Variants in POLR1G observed in about 807,000 individuals in gnomAD.
POLR1G encodes DNA-directed RNA polymerase I subunit RPA34.
In POLR1G, 9 loss-of-function variants were observed where a neutral mutation model predicts 6.3. The ratio of observed to expected loss-of-function variants is 1.44; its 90% CI spans 0.87 to 2.51. The LOEUF (loss-of-function observed/expected upper bound fraction) is 2.51. Among genes scored for constraint, POLR1G ranks in the 30% most tolerant of loss-of-function variants. The pLI is 0.00. For missense variants in POLR1G, 617 were observed against 632.5 expected, an observed-to-expected ratio of 0.98 and a Z score of 0.26; for synonymous variants, 248 against 256.5, an observed-to-expected ratio of 0.97 and a Z score of 0.32.
Position 45,408,575 on chromosome 19 carries a change from T to G in POLR1G, c.607T>G (p.Leu203Val). Residue 203 changes from leucine (L) to valine (V), a missense_variant, in exon 3 of 3, where the codon TTG becomes GTG. By Grantham distance (32) the Leu-to-Val change is conservative (BLOSUM62 1). Coordinates refer to ENST00000309424, the MANE Select transcript of POLR1G (RefSeq NM_012099.3). ...GHGALEVDMA[L>V]GSPEMDVRKK... is the part of the protein sequence containing the mutation. ...CGGGGCCCTGGAGGTGGACATGGCT[T>G]TGGGGTCGCCAGAAATGGATGTGCG... 5 of 1,612,730 alleles carry G rather than the reference T, an allele frequency of 3.1e-6. No homozygotes were observed. Among genetic ancestry groups the G allele is most frequent in the Non-Finnish European group, 4.2e-6 (5 of 1,179,698 alleles).
chr19:45,409,899 T>TATTATTA lies in POLR1G; in HGVS notation c.*398_*399insATTATTA, dbSNP rs201059197. The TATTATTA allele has an allele frequency of 2.4e-4, 62 of 259,392 alleles. No homozygotes were observed. The East Asian group carries it at 2.6e-3, about 11-fold the overall frequency. The allele number at this position is 259,392 out of a possible 1,614,324, so 16.1% of individuals were successfully genotyped here. Reference sequence around the variant, plus strand: ...TAAGTTATTATTATTATTATTATTTTTTTTTTTTTTGAGATGGAGTCTCGC... The same window carrying TATTATTA: ...TAAGTTATTATTATTATTATTATTTTATTATTATTTTTTTTTTGAGATGGAGTCTCGC... On this transcript the variant is annotated 3_prime_UTR_variant, in exon 3 of 3. Transcript: ENST00000309424.
rs1182433014 is a variant in POLR1G at position 45,407,985 on chromosome 19, T to C, written c.165-148T>C. 6.9e-6 allele frequency: 7 copies of C among 1,020,342 alleles called. No individual in the cohort carries two copies. In the Admixed American group the frequency reaches 1.3e-4, roughly 19 times the overall value. 63.2% of individuals were successfully genotyped at this position (1,020,342 alleles called of 1,614,324 possible). A position where few individuals can be genotyped will look rare whatever the true frequency, so the allele number is the denominator to read the frequency against. On this transcript the variant is annotated intron_variant, in intron 2 of 2. Transcript: ENST00000309424. ...AGGAGAATCGCTTGAACCCAGGAGG[T>C]GGACATTGCAGTGAGCCGAGATCAT... is the stretch of plus-strand genomic sequence containing the variant.
At position 45,407,163 on chromosome 19, in the gene POLR1G, C is replaced by T. The variant is rs748478038; in HGVS notation, c.92C>T (p.Ser31Phe). The T allele has an allele frequency of 1.2e-6, 2 of 1,612,866 alleles. No homozygotes were observed. The highest frequency in any genetic ancestry group is 1.7e-6 in the Non-Finnish European group (2 of 1,179,702). ...CCAGCCTCAGAGTCCCCTCGTTTCT[C>T]CTTGGAGGCGCTGACGGGTCCAGAT... Reference protein sequence around the residue: ...KPPASESPRFSLEALTGPDTE... With the variant: ...KPPASESPRFFLEALTGPDTE... The change falls in exon 2 of 3, where the codon TCC becomes TTC. Residue 31 changes from serine to phenylalanine, a missense_variant. Ser to Phe is a radical substitution (Grantham distance 155). Transcript: ENST00000309424.
In POLR1G at chr19:45,409,390, G is replaced by C; in HGVS notation, c.1422G>C (p.Glu474Asp). The change falls in exon 3 of 3, where the codon GAG (glutamate) becomes GAC (aspartate). Residue 474 changes from glutamate to aspartate, a missense_variant. Physicochemically the swap from Glu to Asp is conservative, Grantham distance 45. Transcript: ENST00000309424. ...KKQSQESRMP[E>D]TVPQEEMPGP... ...AGAGTCAGGAAAGCCGGATGCCAGA[G>C]ACAGTGCCCCAAGAGGAGATGCCAG... 1 of 1,614,056 alleles carries C rather than the reference G, an allele frequency of 6.2e-7. No homozygotes were observed. Among genetic ancestry groups the C allele is most frequent in the Non-Finnish European group, 8.5e-7 (1 of 1,180,024 alleles).
chr19:45,409,725 C>T lies in POLR1G; in HGVS notation c.*224C>T, dbSNP rs754664927. On this transcript the variant is annotated 3_prime_UTR_variant, in exon 3 of 3. Coordinates refer to ENST00000309424, the MANE Select transcript of POLR1G (RefSeq NM_012099.3). ...TGCAGGACATCAAACAGCCTCCGGG[C>T]CTGGATGGGAGGGAGAAAAAAATGA... The T allele has an allele frequency of 7.2e-6, 6 of 830,442 alleles. No individual in the cohort carries two copies. Among genetic ancestry groups the T allele is most frequent in the Non-Finnish European group, 1.3e-5 (6 of 465,378 alleles). The allele number at this position is 830,442 out of a possible 1,614,324, so 51.4% of individuals were successfully genotyped here. A position where few individuals can be genotyped will look rare whatever the true frequency, so the allele number is the denominator to read the frequency against.
chr19:45,408,979 G>A lies in POLR1G; in HGVS notation c.1011G>A (p.Met337Ile), dbSNP rs756925223. 8 of 1,614,088 alleles carry A rather than the reference G, an allele frequency of 5.0e-6. No individual in the cohort carries two copies. Among genetic ancestry groups the A allele is most frequent in the Non-Finnish European group, 5.9e-6 (7 of 1,180,022 alleles). The change falls in exon 3 of 3, where the codon ATG (methionine) becomes ATA (isoleucine). Residue 337 changes from methionine (M) to isoleucine (I), a missense_variant. Met to Ile is a conservative substitution (Grantham distance 10). Transcript: ENST00000309424. ...TKKRKKEKGQ[M>I]AMMEPGTEAM... ...AGAGGAAAAAAGAAAAGGGACAGAT[G>A]GCAATGATGGAGCCAGGGACGGAGG...
At chr19:45,407,714 G>A in intron 2 of POLR1G, 1 of 247,120 alleles carries the variant, frequency 4.0e-6, no homozygotes, top group Non-Finnish European at 7.8e-6. Flanking sequence ...CCTTGTAAGT[G>A]CCTAGCTACT....
chr19:45,408,943 C>A lies in POLR1G; in HGVS notation c.975C>A (p.Pro325=), dbSNP rs773206067. Reference sequence around the variant, plus strand: ...CACTGGAGGAAGCCATCCCTCTGCCCCCTACGAAGAAGAGGAAAAAAGAAA... The same window carrying A: ...CACTGGAGGAAGCCATCCCTCTGCCACCTACGAAGAAGAGGAAAAAAGAAA... ...VEPLEEAIPL[P]PTKKRKKEKG... Residue 325 remains proline, a synonymous_variant, in exon 3 of 3, where the codon CCC becomes CCA. Transcript: ENST00000309424. 1 of 1,613,982 alleles carries A rather than the reference C, an allele frequency of 6.2e-7. No individual in the cohort carries two copies. The highest frequency in any genetic ancestry group is 1.1e-5 in the South Asian group (1 of 91,068).
rs183371964 is a variant in POLR1G, at chr19:45,407,373, A to T, written c.164+138A>T. 173 of 769,460 alleles carry T rather than the reference A, an allele frequency of 2.2e-4. No homozygotes were observed. The African/African-American group carries it at 2.6e-3, about 11-fold the overall frequency. 47.7% of individuals were successfully genotyped at this position (769,460 alleles called of 1,614,324 possible). On this transcript the variant is annotated intron_variant, in intron 2 of 2. Transcript: ENST00000309424. ...CAAGTTTATTGGAAACTACTCCTTT[A>T]CAGAGTAGAGTGTCCTCAGAAAGCA...
In POLR1G at chr19:45,406,917, A is replaced by G. The variant is rs1192513744; in HGVS notation, c.23-177A>G. 3 of 1,007,288 alleles carry G rather than the reference A, an allele frequency of 3.0e-6. No homozygotes were observed. The Admixed American group carries it at 9.0e-5, about 30-fold the overall frequency. The allele number at this position is 1,007,288 out of a possible 1,614,324, so 62.4% of individuals were successfully genotyped here. ...TACCCGTGGAGAGCAAGGCGCCCCC[A>G]GGGGTTGGATCGGTGAAATTGAGGT... On this transcript the variant is annotated intron_variant, in intron 1 of 2. Coordinates refer to ENST00000309424, the MANE Select transcript of POLR1G (RefSeq NM_012099.3). The surrounding 1 kb of genome is among the most constrained non-coding windows in gnomAD (Gnocchi z 4.2).
chr19:45,408,176 A>G lies in POLR1G; in HGVS notation c.208A>G (p.Lys70Glu). ...HVPLSGSQIV[K>E]GKLAGKRHRY... ...GCCTCTCTCTGGCTCCCAGATCGTC[A>G]AGGGCAAATTGGCAGGCAAGCGGCA... Residue 70 changes from lysine to glutamate, a missense_variant, in exon 3 of 3, where the codon AAG (lysine) becomes GAG (glutamate). Transcript: ENST00000309424. The G allele has an allele frequency of 6.2e-7, 1 of 1,611,658 alleles. No individual in the cohort carries two copies. Among genetic ancestry groups the G allele is most frequent in the Non-Finnish European group, 8.5e-7 (1 of 1,178,304 alleles).
In POLR1G at chr19:45,408,134, T is replaced by C; in HGVS notation, c.166T>C (p.Phe56Leu). 6.3e-7 allele frequency: 1 copy of C among 1,594,488 alleles called. No individual in the cohort carries two copies. Among genetic ancestry groups the C allele is most frequent in the South Asian group, 1.1e-5 (1 of 89,608 alleles). ...TGCCCTCCCTGTTTCTCTCTGTAGC[T>C]TCAATGGGCGGCATGTGCCTCTCTC... ...QAPADFAPEC[F>L]NGRHVPLSGS... Residue 56 changes from phenylalanine (F) to leucine (L), a missense_variant and splice_region_variant, in exon 3 of 3, where the codon TTC (phenylalanine) becomes CTC (leucine). Phe to Leu is a conservative substitution (Grantham distance 22). Coordinates refer to ENST00000309424, the MANE Select transcript of POLR1G (RefSeq NM_012099.3).
chr19:45,407,647 G>C (rs1340838058), intron 2 of POLR1G: 1 of 255,194 alleles, frequency 3.9e-6, no homozygotes, highest in African/African-American at 2.2e-5. Flanking sequence ...TAAATATTCT[G>C]TAATTATAAT....
chr19:45,407,304 A>G, intron 2 of POLR1G, 69 bp downstream of exon 2: 12 of 1,474,466 alleles, frequency 8.1e-6, no homozygotes, highest in Non-Finnish European at 1.1e-5. Context: ...TGAATTTGTC[A>G]CAGGAAAGAA....
In POLR1G at chr19:45,409,476, A is replaced by G. The variant is rs768155232; in HGVS notation, c.1508A>G (p.Lys503Arg). Residue 503 changes from lysine to arginine, a missense_variant, in exon 3 of 3, where the codon AAG (lysine) becomes AGG (arginine). Transcript: ENST00000309424. The stretch of plus-strand genomic sequence containing the variant: ...CCCACAGGCCGGGACAAGAAGCGGA[A>G]GCAGCAGCAGCAGCAGCCTGTGTAG... ...EAPTGRDKKR[K>R]QQQQQPV 2.5e-6 allele frequency: 4 copies of G among 1,603,980 alleles called. No individual in the cohort carries two copies. The African/African-American group carries it at 5.4e-5, about 21-fold the overall frequency.
Position 45,408,307 on chromosome 19 carries a change from C to G in POLR1G, c.339C>G (p.Gly113=). The G allele has an allele frequency of 6.2e-7, 1 of 1,612,758 alleles. No individual in the cohort carries two copies. Among genetic ancestry groups the G allele is most frequent in the Non-Finnish European group, 8.5e-7 (1 of 1,179,230 alleles). Residue 113 remains glycine, a synonymous_variant, in exon 3 of 3, where the codon GGC becomes GGG. Transcript: ENST00000309424. ...TCACCTGTGCCTCAGCCCCCCAGGG[C>G]ACCCTAAGGATCCTTGAGGGTCCCC... ...GGLTCASAPQ[G]TLRILEGPQQ...
chr19:45,410,597 G>GTGTGT lies in POLR1G; in HGVS notation c.*1096_*1097insTGTGT, dbSNP rs56991437. On this transcript the variant is annotated 3_prime_UTR_variant, in exon 3 of 3. Transcript: ENST00000309424. The stretch of plus-strand genomic sequence containing the variant: ...TGTGTGTGTGTGTGTGTGTGTGTGT[G>GTGTGT]GTACCCATTAACCTTCCCCATCTCC... 4 of 149,858 alleles carry GTGTGT rather than the reference G, an allele frequency of 2.7e-5. No homozygotes were observed. Among genetic ancestry groups the GTGTGT allele is most frequent in the Admixed American group, 6.7e-5 (1 of 14,992 alleles). The allele number at this position is 149,858 out of a possible 1,614,324, so 9.3% of individuals were successfully genotyped here.
At position 45,409,023 on chromosome 19, in the gene POLR1G, C is replaced by T. The variant is rs775352894; in HGVS notation, c.1055C>T (p.Pro352Leu). The change falls in exon 3 of 3, where the codon CCG (proline) becomes CTG (leucine). Residue 352 changes from proline (P) to leucine (L), a missense_variant. By Grantham distance (98) the Pro-to-Leu change is moderately conservative. Transcript: ENST00000309424. ...ACGGAGGCGATGGAGCCAGTGGAGC[C>T]GGAGATGAAGCCTCTGGAGTCCCCA... ...PGTEAMEPVEPEMKPLESPGG... is the reference protein window; with the variant it reads ...PGTEAMEPVELEMKPLESPGG... The T allele has an allele frequency of 1.1e-5, 18 of 1,614,040 alleles. No individual in the cohort carries two copies. Among genetic ancestry groups the T allele is most frequent in the East Asian group, 6.7e-5 (3 of 44,866 alleles).
chr19:45,409,316 C>T lies in POLR1G; in HGVS notation c.1348C>T (p.Gln450Ter), dbSNP rs558144446. ...AGAGCCTGAACTGCCAGGGGAGGGA[C>T]AGCCTGAAGCCAGGGCAACTCCGGG... ...PLEPELPGEG[Q>*]PEARATPGST... Residue 450 changes from glutamine to a stop codon, truncating the protein, a stop_gained, in exon 3 of 3, where the codon CAG (glutamine) becomes TAG (stop). Transcript: ENST00000309424. LOFTEE classifies it low-confidence loss of function (END_TRUNC). 6.2e-7 allele frequency: 1 copy of T among 1,614,010 alleles called. No homozygotes were observed. Among genetic ancestry groups the T allele is most frequent in the South Asian group, 1.1e-5 (1 of 91,064 alleles).
Sources: gnomAD v4.1 joint callset for allele counts on GRCh38, gnomAD v4.1.1 for gene constraint, Gnocchi (gnomAD v3.1) non-coding constraint, MANE v1.5 for transcripts, NCBI Gene and HGNC (gene_info 2026-07-23, HGNC 2026-07-21) for gene names.